Variants in MAPK8IP3 observed in about 807,000 individuals in gnomAD.
MAPK8IP3 encodes mitogen-activated protein kinase 8 interacting protein 3, also known as C-Jun-amino-terminal kinase-interacting protein 3.
Under a neutral mutation model 157.8 loss-of-function variants are expected in MAPK8IP3, and 49 were observed. That is an observed-to-expected ratio of 0.31 (90% CI 0.25 to 0.39). MAPK8IP3 has a LOEUF of 0.39. MAPK8IP3 is among the 10% of genes least tolerant of loss of function. MAPK8IP3 has a pLI of 1.00. For synonymous variants in MAPK8IP3, 897 were observed against 777.7 expected, an observed-to-expected ratio of 1.15 and a Z score of -2.55; for missense variants, 1,478 against 1,889.4, an observed-to-expected ratio of 0.78 and a Z score of 4.04.
In MAPK8IP3 at chr16:1,711,304, G is replaced by A. The variant is rs537682395; in HGVS notation, c.318+4647G>A. Among the ~76,000 whole-genome samples the A allele has an allele frequency of 7.2e-5, 11 of 152,198 alleles. 1 individual carries two copies. Among genetic ancestry groups the A allele is most frequent in the South Asian group, 4.2e-4 (2 of 4,802 alleles). ...GTCCTGTGTTCTGCGGTGGCCCCTC[G>A]TTCTCTGCTCTTATTGACCTTGACC... On this transcript the variant is annotated intron_variant, in intron 1 of 31. Transcript: ENST00000610761.
At position 1,765,950 on chromosome 16, in the gene MAPK8IP3, C is replaced by T. The variant is rs749257168; in HGVS notation, c.2447-10C>T. ...CCCCGCACAGGCTGACGGGCCGTCC[C>T]TCTCCCCAGCGGCCAGCGACAGCGA... On this transcript the variant is annotated splice_polypyrimidine_tract_variant and intron_variant, in intron 20 of 31. Transcript: ENST00000610761. 93 of 1,605,942 alleles carry T rather than the reference C, an allele frequency of 5.8e-5. 1 individual carries two copies. Among genetic ancestry groups the T allele is most frequent in the Non-Finnish European group, 7.6e-5 (89 of 1,175,970 alleles).
rs1269968498 is a variant in MAPK8IP3 at position 1,766,743 on chromosome 16, T to C, written c.2960T>C (p.Val987Ala). Residue 987 changes from valine to alanine, a missense_variant, in exon 24 of 32, where the codon GTG becomes GCG. Val to Ala is a moderately conservative substitution (Grantham distance 64, BLOSUM62 0). Coordinates refer to ENST00000610761, the MANE Select transcript of MAPK8IP3 (RefSeq NM_001318852.2). ...CCTAGGCTCTATGTGCACTCGGCTG[T>C]GGCCAACTGGAAGAAGTGCCTGCAC... ...QNGWLYVHSAVANWKKCLHSI... is the reference protein window; with the variant it reads ...QNGWLYVHSAAANWKKCLHSI... 3.1e-6 allele frequency: 5 copies of C among 1,612,738 alleles called. No homozygotes were observed. The African/African-American group carries it at 4.0e-5, about 13-fold the overall frequency.
intron 30 of MAPK8IP3, 29 bp from the exon 31 acceptor site, chr16:1,768,448 G>C: frequency 6.3e-7 from 1 of 1,587,688 alleles, no homozygotes; most frequent in Non-Finnish European, 8.5e-7. Flanking sequence ...CCAGGAGGCC[G>C]CTGTCCTGAA....
intron 2 of MAPK8IP3, among the ~76,000 whole-genome samples, chr16:1,726,837 A>T (rs1170103602): frequency 6.6e-6 from 1 of 152,234 alleles, no homozygotes; most frequent in Non-Finnish European, 1.5e-5. Flanking sequence ...CCTCACACAG[A>T]CAGGTAGCCT....
rs2042464182 is a variant in MAPK8IP3, at chr16:1,769,117, C to G, written c.*293C>G. 3 of 450,286 alleles carry G rather than the reference C, an allele frequency of 6.7e-6. No homozygotes were observed. The highest frequency in any genetic ancestry group is 1.2e-5 in the Non-Finnish European group (3 of 245,306). 27.9% of individuals were successfully genotyped at this position (450,286 alleles called of 1,614,324 possible). ...CCTCAAGTCCAGGGCACCTTGGGCCCAGCGCAGGCAGAATCCGAGGTGGTC... is the reference window on the plus strand; with the variant it reads ...CCTCAAGTCCAGGGCACCTTGGGCCGAGCGCAGGCAGAATCCGAGGTGGTC... On this transcript the variant is annotated 3_prime_UTR_variant, in exon 32 of 32. Transcript: ENST00000610761.
chr16:1,767,459 G>A, intron 26 of MAPK8IP3, 105 bp from the exon 27 acceptor site: 1 of 1,507,550 alleles, frequency 6.6e-7, no homozygotes. Context: ...CGCTGGCTGG[G>A]AGGTCTGAGG....
At chr16:1,708,071 C>T (rs1290741018) in intron 1 of MAPK8IP3, 1 of 152,216 alleles carries the variant, frequency 6.6e-6, no homozygotes, top group African/African-American at 2.4e-5. Context: ...CCGGTTCCAG[C>T]AAAGCTGAGT....
At chr16:1,744,258 CAG>C (rs917251742) in intron 5 of MAPK8IP3, 30 of 985,646 alleles carry the variant, frequency 3.0e-5, no homozygotes, top group Middle Eastern at 5.2e-4. Context: ...CAGGGGCCGT[CAG>C]AGGATGTCCA....
intron 1 of MAPK8IP3, among the ~76,000 whole-genome samples, chr16:1,709,303 C>T (rs571374558): frequency 7.2e-5 from 11 of 152,320 alleles, no homozygotes; most frequent in East Asian, 1.9e-4. Flanking sequence ...TGACCCAAGC[C>T]GTGGAGTCTG....
At chr16:1,759,677 G>A (rs60489162) in intron 10 of MAPK8IP3, among the ~76,000 whole-genome samples, 4,377 of 152,306 alleles carry the variant, frequency 0.029, 179 homozygotes, top group East Asian at 0.11. Context: ...TGGGGGCACT[G>A]AGATGGCAGC....
At chr16:1,735,997 TGTGACCGTCCATGTGAGA>T (rs2039733597) in intron 4 of MAPK8IP3, among the ~76,000 whole-genome samples, 1 of 142,014 alleles carries the variant, frequency 7.0e-6, no homozygotes. Flanking sequence ...TGAGCATCCG[TGTGACCGTCCATGTGAGA>T]GTGTGACCGT....
At chr16:1,738,032 G>A (rs1208331042) in intron 4 of MAPK8IP3, among the ~76,000 whole-genome samples, 4 of 81,370 alleles carry the variant, frequency 4.9e-5, no homozygotes, top group Non-Finnish European at 4.7e-5. Flanking sequence ...GTGAGCATCC[G>A]TGTGAGCGTG....
At chr16:1,708,702 G>T (rs897638332) in intron 1 of MAPK8IP3, among the ~76,000 whole-genome samples, 5 of 152,080 alleles carry the variant, frequency 3.3e-5, no homozygotes, top group African/African-American at 1.2e-4. Context: ...TTGCCCCAGC[G>T]CTTTAGAGAA....
rs905854583 is a variant in MAPK8IP3, at chr16:1,770,264, C to T, written c.*1440C>T. The T allele has an allele frequency of 2.8e-5, 5 of 179,400 alleles. No individual in the cohort carries two copies. Among genetic ancestry groups the T allele is most frequent in the African/African-American group, 1.2e-4 (5 of 42,522 alleles). The allele number at this position is 179,400 out of a possible 1,614,324, so 11.1% of individuals were successfully genotyped here. On this transcript the variant is annotated 3_prime_UTR_variant, in exon 32 of 32. Transcript: ENST00000610761. ...TGACGATTCTCCTCAGGCTTTGGCCCTGCAAGCAAACCCACATATCTGCTC... is the reference window on the plus strand; with the variant it reads ...TGACGATTCTCCTCAGGCTTTGGCCTTGCAAGCAAACCCACATATCTGCTC...
chr16:1,758,215 GAC>G, intron 9 of MAPK8IP3, 56 bp downstream of exon 9: 1 of 1,602,258 alleles, frequency 6.2e-7, no homozygotes, highest in Non-Finnish European at 8.5e-7. Context: ...GGAGTGGGTG[GAC>G]GGGGGATGCC....
intron 4 of MAPK8IP3, among the ~76,000 whole-genome samples, chr16:1,736,431 A>ACC (rs1304384546): frequency 1.9e-5 from 1 of 52,814 alleles, no homozygotes; most frequent in African/African-American, 9.6e-5. Flanking sequence ...CATCCGTGTG[A>ACC]GCGTGTGACT....
chr16:1,731,705 C>T (rs899523126), intron 4 of MAPK8IP3, among the ~76,000 whole-genome samples: 4 of 152,230 alleles, frequency 2.6e-5, no homozygotes, highest in Non-Finnish European at 5.9e-5. Flanking sequence ...TATTTCCAAC[C>T]TCCTTTTCGT....
intron 2 of MAPK8IP3, among the ~76,000 whole-genome samples, chr16:1,728,487 C>T (rs1420298769): frequency 1.3e-5 from 2 of 152,218 alleles, no homozygotes; most frequent in Admixed American, 6.5e-5. Context: ...CTGACTTTAG[C>T]ACAGAGAGCG....
chr16:1,746,960 G>A lies in MAPK8IP3; in HGVS notation c.748-69G>A, dbSNP rs540279932. On this transcript the variant is annotated intron_variant, in intron 5 of 31. Coordinates refer to ENST00000610761, the MANE Select transcript of MAPK8IP3 (RefSeq NM_001318852.2). ...GCATTGGTGCGCGGGGCCTCAGGCA[G>A]CCACGGCGGAGCCGCAGGCCAGGGA... is the stretch of plus-strand genomic sequence containing the variant. 5.8e-6 allele frequency: 9 copies of A among 1,554,874 alleles called. No homozygotes were observed. The East Asian group carries it at 1.2e-4, about 20-fold the overall frequency.
Sources: allele counts gnomAD v4.1 joint callset (sites outside exome capture counted in the v4.1 genomes callset), GRCh38; gene constraint gnomAD v4.1.1; transcripts MANE v1.5; gene names NCBI Gene and HGNC (gene_info 2026-07-23, HGNC 2026-07-21).